The following B3GAT2 variants were observed in gnomAD, a reference collection of about 807,000 sequenced individuals.
B3GAT2 encodes the protein beta-1,3-glucuronyltransferase 2.
A neutral mutation model predicts 27.8 loss-of-function variants in B3GAT2; 26 were observed. The ratio of observed to expected loss-of-function variants is 0.93; its 90% CI spans 0.68 to 1.30. The LOEUF is 1.30. Ranked by LOEUF, B3GAT2 falls within the 50% of genes most tolerant of loss-of-function variation. The probability of loss-of-function intolerance (pLI) is 0.00; values close to 1 mark genes in which losing one functional copy is unlikely to be tolerated. For missense variants in B3GAT2, 458 were observed against 459.0 expected (o/e 1.00, Z 0.02); for synonymous variants, 218 against 195.1 (o/e 1.12, Z -0.98).
intron 1 of B3GAT2, among the ~76,000 whole-genome samples, chr6:70,939,957 A>T (rs192979320): frequency 1.1e-4 from 17 of 152,290 alleles, no homozygotes; most frequent in African/African-American, 4.1e-4. Context: ...CAGAGGGTTA[A>T]TGTTACAAAA....
chr6:70,888,649 A>G lies in B3GAT2; in HGVS notation c.736+5479T>C, dbSNP rs892531119. Among the ~76,000 whole-genome samples the G allele has an allele frequency of 8.5e-5, 13 of 152,176 alleles. 1 individual carries two copies. Among genetic ancestry groups the G allele is most frequent in the Non-Finnish European group, 1.5e-5 (1 of 68,050 alleles). ...GTTCTCAAACTGTATTTCTAATCAC[A>G]TCAGTCCCCTACTTGAAAAATGTCA... On this transcript the variant is annotated intron_variant, in intron 2 of 3. Transcript: ENST00000230053.
chr6:70,931,585 C>T (rs576378822), intron 1 of B3GAT2, among the ~76,000 whole-genome samples: 12 of 152,114 alleles, frequency 7.9e-5, no homozygotes, highest in South Asian at 4.2e-4. Flanking sequence ...GATCATTCAA[C>T]GGAAGAAAGA....
Position 70,858,287 on chromosome 6 carries a change from CTTTTTTTTTTTT to C in B3GAT2, c.*3364_*3375del, listed in dbSNP as rs68188898. On this transcript the variant is annotated 3_prime_UTR_variant, in exon 4 of 4. Coordinates refer to ENST00000230053, the MANE Select transcript of B3GAT2 (RefSeq NM_080742.3). The stretch of plus-strand genomic sequence containing the variant: ...ATCAAACCAGATTTATTTTCTAAAT[CTTTTTTTTTTTT>C]TTTTTTTTTTTTTTTTAAGTCTAGT... 942 of 290,540 alleles carry C rather than the reference CTTTTTTTTTTTT, an allele frequency of 3.2e-3. 3 individuals carry two copies. The highest frequency in any genetic ancestry group is 4.4e-3 in the Non-Finnish European group (781 of 177,172). 18.0% of individuals were successfully genotyped at this position (290,540 alleles called of 1,614,324 possible).
At chr6:70,911,546 A>G (rs959963044) in intron 1 of B3GAT2, among the ~76,000 whole-genome samples, 1 of 152,124 alleles carries the variant, frequency 6.6e-6, no homozygotes, top group Admixed American at 6.6e-5. Context: ...TTGTTACTGT[A>G]AGCTTGCAGT....
At chr6:70,932,109 AT>A (rs1338333515) in intron 1 of B3GAT2, among the ~76,000 whole-genome samples, 1 of 152,118 alleles carries the variant, frequency 6.6e-6, no homozygotes, top group African/African-American at 2.4e-5. Flanking sequence ...TTTACTTCAT[AT>A]TTTTTTGCAT....
intron 2 of B3GAT2, among the ~76,000 whole-genome samples, chr6:70,877,459 C>T (rs760077479): frequency 6.6e-6 from 1 of 152,186 alleles, no homozygotes; most frequent in East Asian, 1.9e-4. Context: ...TTCCTGTAGG[C>T]TCTCTTACCA....
In B3GAT2 at chr6:70,945,829, C is replaced by T. The variant is rs373135144; in HGVS notation, c.591+10010G>A. On this transcript the variant is annotated intron_variant, in intron 1 of 3. Coordinates refer to ENST00000230053, the MANE Select transcript of B3GAT2 (RefSeq NM_080742.3). ...GGTAAGGGCAGCCAGAGAGAAAGGTCGGGTTACCCACAAAGGGAAGCCCAT... is the reference window on the plus strand; with the variant it reads ...GGTAAGGGCAGCCAGAGAGAAAGGTTGGGTTACCCACAAAGGGAAGCCCAT... Among the ~76,000 whole-genome samples the T allele has an allele frequency of 3.1e-3, 470 of 151,502 alleles. 13 individuals carry two copies. In the East Asian group the frequency reaches 0.084, roughly 27 times the overall value.
At chr6:70,898,155 T>A (rs981432552) in intron 1 of B3GAT2, among the ~76,000 whole-genome samples, 1 of 152,242 alleles carries the variant, frequency 6.6e-6, no homozygotes. Flanking sequence ...CAAATTCCGA[T>A]AGAGATTGCA....
intron 1 of B3GAT2, among the ~76,000 whole-genome samples, chr6:70,938,393 G>GA (rs1765332227): frequency 6.6e-6 from 1 of 151,124 alleles, no homozygotes; most frequent in Non-Finnish European, 1.5e-5. Context: ...CACAGAATTG[G>GA]AAAAAACTAC....
intron 1 of B3GAT2, among the ~76,000 whole-genome samples, chr6:70,924,011 G>C (rs1053263655): frequency 2.0e-5 from 3 of 152,056 alleles, no homozygotes; most frequent in African/African-American, 7.2e-5. Context: ...AGGTGGGAGT[G>C]GGGTGTACTT....
At chr6:70,939,224 G>A (rs9455266) in intron 1 of B3GAT2, among the ~76,000 whole-genome samples, 117,926 of 119,072 alleles carry the variant, frequency 0.99, 58,390 homozygotes, top group African/African-American at 1. Context: ...TTAGAATGGT[G>A]ATCATTAAAA....
chr6:70,856,920 T>C lies in B3GAT2; in HGVS notation c.*4743A>G. 1 of 1,613,984 alleles carries C rather than the reference T, an allele frequency of 6.2e-7. No homozygotes were observed. The highest frequency in any genetic ancestry group is 1.7e-5 in the Admixed American group (1 of 60,030). On this transcript the variant is annotated 3_prime_UTR_variant, in exon 4 of 4. Coordinates refer to ENST00000230053, the MANE Select transcript of B3GAT2 (RefSeq NM_080742.3). ...ACAGTAACATCTGGGGATCTAGATTTATTCACTGAGCAAACTACAAAATCA... is the reference window on the plus strand; with the variant it reads ...ACAGTAACATCTGGGGATCTAGATTCATTCACTGAGCAAACTACAAAATCA...
Position 70,944,865 on chromosome 6 carries a change from T to C in B3GAT2, c.591+10974A>G, listed in dbSNP as rs574194066. ...CACCTCACACGGCCAGGTACTCCTCTGAGACAAAACTTCCAGAGGAACGAT... is the reference window on the plus strand; with the variant it reads ...CACCTCACACGGCCAGGTACTCCTCCGAGACAAAACTTCCAGAGGAACGAT... On this transcript the variant is annotated intron_variant, in intron 1 of 3. Coordinates refer to ENST00000230053, the MANE Select transcript of B3GAT2 (RefSeq NM_080742.3). 4.6e-3 allele frequency among the ~76,000 whole-genome samples: 698 copies of C among 152,254 alleles called. 5 individuals are homozygous for C. Among genetic ancestry groups the C allele is most frequent in the African/African-American group, 0.016 (658 of 41,562 alleles).
At chr6:70,954,920 G>GGGGC (rs1029224997) in intron 1 of B3GAT2, among the ~76,000 whole-genome samples, 2 of 151,602 alleles carry the variant, frequency 1.3e-5, no homozygotes, top group Non-Finnish European at 2.9e-5. Context: ...GGCGGCGGGG[G>GGGGC]GGGGCGGTGC....
intron 1 of B3GAT2, among the ~76,000 whole-genome samples, chr6:70,953,099 A>T (rs1765600226): frequency 6.6e-6 from 1 of 152,230 alleles, no homozygotes; most frequent in African/African-American, 2.4e-5. Flanking sequence ...GACTTGGGGT[A>T]TTCTTTCCTT....
At chr6:70,906,643 G>C (rs1772607060) in intron 1 of B3GAT2, among the ~76,000 whole-genome samples, 1 of 152,104 alleles carries the variant, frequency 6.6e-6, no homozygotes, top group African/African-American at 2.4e-5. Context: ...CAGCCTTATA[G>C]CAAGTTTTGA....
At chr6:70,926,666 T>C (rs1772965976) in intron 1 of B3GAT2, among the ~76,000 whole-genome samples, 1 of 152,172 alleles carries the variant, frequency 6.6e-6, no homozygotes, top group Non-Finnish European at 1.5e-5. Context: ...CCAAGAAATA[T>C]GGGACTATGT....
rs75532442 is a variant in B3GAT2 at position 70,906,149 on chromosome 6, G to A, written c.592-11877C>T. 9.7e-3 allele frequency among the ~76,000 whole-genome samples: 1,479 copies of A among 152,178 alleles called. 15 individuals carry two copies. Among genetic ancestry groups the A allele is most frequent in the Non-Finnish European group, 0.015 (1,041 of 68,012 alleles). ...TTTCTCTTTCTTAATTTTTCCACAC[G>A]AAAACCAACGATCTATCTCCTATTC... On this transcript the variant is annotated intron_variant, in intron 1 of 3. Transcript: ENST00000230053.
intron 1 of B3GAT2, among the ~76,000 whole-genome samples, chr6:70,937,227 C>T (rs1219655342): frequency 6.6e-6 from 1 of 151,808 alleles, no homozygotes; most frequent in Non-Finnish European, 1.5e-5. Flanking sequence ...CTGAATAGAC[C>T]AATAACAGGC....
Sources: allele counts gnomAD v4.1 joint callset (sites outside exome capture counted in the v4.1 genomes callset), GRCh38; gene constraint gnomAD v4.1.1; transcripts MANE v1.5; gene names NCBI Gene and HGNC (gene_info 2026-07-23, HGNC 2026-07-21).